CPNE4: variants seen among roughly 807,000 people sequenced by gnomAD.
The protein encoded by CPNE4 is copine-4.
Under a neutral mutation model 67.9 loss-of-function variants are expected in CPNE4, and 25 were observed. That is an observed-to-expected ratio of 0.37 (90% confidence interval 0.27 to 0.51). The LOEUF is 0.51. Among genes scored for constraint, CPNE4 ranks in the 20% least tolerant of loss-of-function variants. The probability of loss-of-function intolerance (pLI) is 0.93; values close to 1 mark genes in which losing one functional copy is unlikely to be tolerated. For missense variants in CPNE4, 464 were observed against 690.8 expected (o/e 0.67, Z 3.68); for synonymous variants, 242 against 244.9 (o/e 0.99, Z 0.11).
intron 1 of CPNE4, among the ~76,000 whole-genome samples, chr3:132,009,038 G>A (rs967342721): frequency 2.0e-5 from 3 of 152,146 alleles, no homozygotes; most frequent in African/African-American, 7.2e-5. Context: ...AGGAGGGAGG[G>A]TATGCACACA....
At chr3:131,962,731 G>C (rs886766718) in intron 1 of CPNE4, among the ~76,000 whole-genome samples, 1 of 111,526 alleles carries the variant, frequency 9.0e-6, no homozygotes, top group African/African-American at 4.8e-5. Context: ...CCCAGAAACA[G>C]TTAAAAAAAA....
intron 2 of CPNE4, among the ~76,000 whole-genome samples, chr3:131,801,338 T>TATATATATATGTACC (rs1553774042): frequency 0.021 from 2,528 of 121,042 alleles, 115 homozygotes; most frequent in African/African-American, 0.075. Context: ...AAACCATACA[T>TATATATATATGTACC]ATATATATAT....
chr3:131,620,617 G>C (rs1327755368), intron 7 of CPNE4: 1 of 242,170 alleles, frequency 4.1e-6, no homozygotes, highest in Non-Finnish European at 6.6e-6. Flanking sequence ...TTTGAGACAA[G>C]AATAGAAGCC....
At chr3:131,802,888 G>A (rs1021404151) in intron 2 of CPNE4, among the ~76,000 whole-genome samples, 2 of 152,174 alleles carry the variant, frequency 1.3e-5, no homozygotes, top group African/African-American at 4.8e-5. Flanking sequence ...TCACTGCAGA[G>A]CAGGTCAGCA....
chr3:131,816,412 G>C (rs2084745547), intron 2 of CPNE4, among the ~76,000 whole-genome samples: 1 of 152,078 alleles, frequency 6.6e-6, no homozygotes, highest in Non-Finnish European at 1.5e-5. Context: ...AGTTTAAAAT[G>C]GGAATTTTTG....
At chr3:131,618,763 C>T (rs62283174) in intron 7 of CPNE4, among the ~76,000 whole-genome samples, 2 of 152,098 alleles carry the variant, frequency 1.3e-5, no homozygotes, top group South Asian at 2.1e-4. Context: ...ACAGCATACA[C>T]TGTTGAGGTG....
chr3:131,870,109 C>T (rs1428261862), intron 2 of CPNE4, among the ~76,000 whole-genome samples: 2 of 152,066 alleles, frequency 1.3e-5, no homozygotes, highest in Non-Finnish European at 2.9e-5. Context: ...AAAAGAGGGA[C>T]CTCAGAAGAA....
chr3:131,572,103 A>G (rs927104546), intron 10 of CPNE4, among the ~76,000 whole-genome samples: 4 of 152,058 alleles, frequency 2.6e-5, no homozygotes, highest in African/African-American at 9.7e-5. Flanking sequence ...GCAGCTGAGG[A>G]GAAAGATGCC....
At chr3:131,849,859 A>G (rs1005741655) in intron 2 of CPNE4, among the ~76,000 whole-genome samples, 1 of 152,172 alleles carries the variant, frequency 6.6e-6, no homozygotes, top group Non-Finnish European at 1.5e-5. Context: ...TGAGCTAAAT[A>G]AAGTCCTATT....
intron 7 of CPNE4, chr3:131,620,384 A>G: frequency 1.2e-6 from 1 of 855,996 alleles, no homozygotes; most frequent in Non-Finnish European, 1.4e-6. Flanking sequence ...GGCTACGGTA[A>G]ATCCTTTTAC....
intron 7 of CPNE4, among the ~76,000 whole-genome samples, chr3:131,615,891 TCACACACACACACACACA>T (rs746630965): frequency 9.3e-6 from 1 of 107,762 alleles, no homozygotes; most frequent in Non-Finnish European, 1.8e-5. Flanking sequence ...TCTCTCTCTC[TCACACACACACACACACA>T]CACACACACA....
intron 1 of CPNE4, among the ~76,000 whole-genome samples, chr3:131,950,487 GA>G (rs1285597333): frequency 2.0e-5 from 3 of 152,018 alleles, no homozygotes; most frequent in East Asian, 1.9e-4. Context: ...AAAAATGGGA[GA>G]AGAAGGCAGA....
intron 2 of CPNE4, among the ~76,000 whole-genome samples, chr3:131,767,380 C>T (rs939859752): frequency 2.0e-5 from 3 of 152,010 alleles, no homozygotes; most frequent in Non-Finnish European, 4.4e-5. Context: ...AGAGGTGGCC[C>T]TTTACAGAAA....
At chr3:131,956,495 T>C (rs1306606070) in intron 1 of CPNE4, among the ~76,000 whole-genome samples, 1 of 152,248 alleles carries the variant, frequency 6.6e-6, no homozygotes, top group Admixed American at 6.5e-5. Flanking sequence ...TTGAAATTTA[T>C]GAAACAGAAG....
chr3:131,694,010 T>C (rs2081092117), intron 5 of CPNE4, among the ~76,000 whole-genome samples: 1 of 152,156 alleles, frequency 6.6e-6, no homozygotes, highest in African/African-American at 2.4e-5. Context: ...GATTAGACAG[T>C]GGCTTTCTAC....
intron 3 of CPNE4, among the ~76,000 whole-genome samples, chr3:131,710,392 T>C (rs2081528444): frequency 1.3e-5 from 2 of 152,166 alleles, no homozygotes; most frequent in Admixed American, 1.3e-4. Context: ...AGACACTTTT[T>C]AGATATAGGA....
At chr3:131,540,493 A>T (rs184864007) in intron 15 of CPNE4, among the ~76,000 whole-genome samples, 3 of 152,344 alleles carry the variant, frequency 2.0e-5, no homozygotes, top group African/African-American at 7.2e-5. Flanking sequence ...AGGCTCTCAC[A>T]CTAGGACTGG....
chr3:131,932,301 A>G (rs1400677677), intron 1 of CPNE4, among the ~76,000 whole-genome samples: 1 of 152,170 alleles, frequency 6.6e-6, no homozygotes, highest in Non-Finnish European at 1.5e-5. Flanking sequence ...GAAATATGAC[A>G]TATTATGCCA....
chr3:131,788,302 A>C (rs2083619985), intron 2 of CPNE4, among the ~76,000 whole-genome samples: 2 of 152,162 alleles, frequency 1.3e-5, no homozygotes, highest in Admixed American at 1.3e-4. Flanking sequence ...GAAGTTATGC[A>C]TGCTGATTAA....
Sources: gnomAD v4.1 joint callset for allele counts (sites outside exome capture counted in the v4.1 genomes callset) on GRCh38, gnomAD v4.1.1 for gene constraint, MANE v1.5 for transcripts, NCBI Gene and HGNC (gene_info 2026-07-23, HGNC 2026-07-21) for gene names.